PTGER3: variants seen among roughly 807,000 people sequenced by gnomAD.
PTGER3 encodes prostaglandin E receptor 3, also known as prostaglandin E2 receptor EP3 subtype.
A neutral mutation model predicts 34.7 loss-of-function variants in PTGER3; 22 were observed. The ratio of observed to expected loss-of-function variants is 0.63; its 90% CI spans 0.45 to 0.91. PTGER3 has a LOEUF of 0.91. Ranked by LOEUF, PTGER3 falls within the 40% of genes least tolerant of loss-of-function variation. The pLI is 0.00. For synonymous variants in PTGER3, 241 were observed against 230.1 expected (o/e 1.05, Z -0.43); for missense variants, 468 against 519.4 (o/e 0.90, Z 0.96).
At chr1:70,879,251 G>GTTTGT (rs111740086) in intron 4 of PTGER3, among the ~76,000 whole-genome samples, 5 of 151,282 alleles carry the variant, frequency 3.3e-5, no homozygotes, top group East Asian at 2.0e-4. Context: ...TTTGTTTTTT[G>GTTTGT]TTTGTTTTGT....
At chr1:70,862,954 C>T (rs1331011565) in intron 4 of PTGER3, among the ~76,000 whole-genome samples, 2 of 152,010 alleles carry the variant, frequency 1.3e-5, no homozygotes, top group Non-Finnish European at 2.9e-5. Flanking sequence ...ATTTAGGAGG[C>T]TTGAGCTCCA....
intron 1 of PTGER3, among the ~76,000 whole-genome samples, chr1:71,030,505 T>G (rs976205062): frequency 3.9e-5 from 6 of 152,202 alleles, no homozygotes; most frequent in African/African-American, 1.2e-4. Context: ...AAGAATAATA[T>G]ATGTGACTTG....
chr1:70,929,157 T>G (rs1316488255), intron 4 of PTGER3, among the ~76,000 whole-genome samples: 1 of 152,190 alleles, frequency 6.6e-6, no homozygotes, highest in Admixed American at 6.6e-5. Flanking sequence ...AATCCAAAGT[T>G]ATGAAATAAA....
At chr1:70,942,359 A>G (rs2100548558) in intron 4 of PTGER3, among the ~76,000 whole-genome samples, 1 of 152,244 alleles carries the variant, frequency 6.6e-6, no homozygotes, top group Middle Eastern at 3.4e-3. Flanking sequence ...ATCTTGAGGC[A>G]TTTTTTAACC....
intron 4 of PTGER3, among the ~76,000 whole-genome samples, chr1:70,883,081 T>G (rs1044523564): frequency 1.3e-5 from 2 of 152,188 alleles, no homozygotes; most frequent in African/African-American, 4.8e-5. Context: ...TAAAAGTTAA[T>G]ATGATGATAC....
intron 1 of PTGER3, among the ~76,000 whole-genome samples, chr1:71,035,926 C>A (rs763344357): frequency 2.6e-5 from 4 of 152,186 alleles, no homozygotes; most frequent in African/African-American, 4.8e-5. Flanking sequence ...GATGCCCTCC[C>A]TAATCCCAAT....
rs1653000899 is a variant in PTGER3, at chr1:70,970,797, C to A, written c.*933G>T. 2 of 812,572 alleles carry A rather than the reference C, an allele frequency of 2.5e-6. No individual in the cohort carries two copies. The highest frequency in any genetic ancestry group is 3.7e-5 in the African/African-American group (2 of 53,584). The allele number at this position is 812,572 out of a possible 1,614,324, so 50.3% of individuals were successfully genotyped here. ...CTCAAGTATATCTTTTAGAAGTCCA[C>A]AAAGTTTTTTATTTTAATACAGACA... On this transcript the variant is annotated 3_prime_UTR_variant, in exon 4 of 4. Transcript: ENST00000306666.
chr1:70,990,533 A>C (rs545651301), intron 2 of PTGER3, among the ~76,000 whole-genome samples: 1 of 151,702 alleles, frequency 6.6e-6, no homozygotes, highest in East Asian at 1.9e-4. Flanking sequence ...ATGTATGTAC[A>C]TGTATATATA....
chr1:70,934,035 C>A (rs1177607761), intron 4 of PTGER3, among the ~76,000 whole-genome samples: 1 of 152,148 alleles, frequency 6.6e-6, no homozygotes, highest in Non-Finnish European at 1.5e-5. Context: ...TCAAATATCT[C>A]ATTTTTCTCA....
chr1:70,853,144 T>G (rs1027985520), intron 4 of PTGER3, among the ~76,000 whole-genome samples: 2 of 152,184 alleles, frequency 1.3e-5, no homozygotes, highest in African/African-American at 4.8e-5. Context: ...GGTGGAAACA[T>G]GGTAAGACAT....
At chr1:70,860,332 A>T (rs1233865077) in intron 4 of PTGER3, among the ~76,000 whole-genome samples, 1 of 152,176 alleles carries the variant, frequency 6.6e-6, no homozygotes. Flanking sequence ...CATTGATGAG[A>T]AAAAAATGTG....
chr1:71,036,838 CAAAA>C (rs5775047), intron 1 of PTGER3, among the ~76,000 whole-genome samples: 1 of 142,130 alleles, frequency 7.0e-6, no homozygotes. Flanking sequence ...GACTTTGTCT[CAAAA>C]AAAAAAAAGA....
At chr1:71,022,423 C>T (rs1366158841) in intron 1 of PTGER3, among the ~76,000 whole-genome samples, 2 of 151,922 alleles carry the variant, frequency 1.3e-5, no homozygotes, top group East Asian at 1.9e-4. Context: ...ACAATACAGA[C>T]ATGACATACA....
At chr1:70,900,489 T>C (rs1557641018) in intron 4 of PTGER3, among the ~76,000 whole-genome samples, 1 of 152,200 alleles carries the variant, frequency 6.6e-6, no homozygotes, top group Non-Finnish European at 1.5e-5. Flanking sequence ...CAGTATGCTT[T>C]TATATCTCTT....
chr1:71,012,307 G>T lies in PTGER3; in HGVS notation c.1075C>A (p.Gln359Lys). 6.2e-7 allele frequency: 1 copy of T among 1,614,102 alleles called. No homozygotes were observed. Among genetic ancestry groups the T allele is most frequent in the East Asian group, 2.2e-5 (1 of 44,860 alleles). The change falls in exon 2 of 4, where the codon CAG becomes AAG. Residue 359 changes from glutamine to lysine, a missense_variant and splice_region_variant. Physicochemically the swap from Gln to Lys is moderately conservative, Grantham distance 53. Transcript: ENST00000306666. Reference sequence around the variant, plus strand: ...CAGCTGGAGACAGCATTTGCTACCTGGCAAAACTTTCGAAGAAGGATCTTT... The same window carrying T: ...CAGCTGGAGACAGCATTTGCTACCTTGCAAAACTTTCGAAGAAGGATCTTT... ...LRKILLRKFC[Q>K]IRYHTNNYAS...
chr1:70,998,347 C>A (rs1049906266), intron 2 of PTGER3: 1 of 152,096 alleles, frequency 6.6e-6, no homozygotes, highest in Non-Finnish European at 1.5e-5. Context: ...AAATGTAGAG[C>A]GATTTACACT....
rs556522747 is a variant in PTGER3, at chr1:70,944,796, G to A, written c.*23+8967C>T. Among the ~76,000 whole-genome samples, 22 of 152,206 alleles carry A rather than the reference G, an allele frequency of 1.4e-4. No individual in the cohort carries two copies. In the South Asian group the frequency reaches 4.6e-3, roughly 32 times the overall value. ...TTATAGCCTTACCTCTTCATCAGAA[G>A]TACTAAATCTGTGCTCTATAATCAG... On this transcript the variant is annotated intron_variant, in intron 4 of 4. Transcript: ENST00000370931.
intron 4 of PTGER3, among the ~76,000 whole-genome samples, chr1:70,913,856 A>G (rs182478344): frequency 6.1e-4 from 92 of 151,876 alleles, no homozygotes; most frequent in African/African-American, 2.0e-3. Context: ...CTTTATATAT[A>G]TTATTGGATT....
intron 1 of PTGER3, among the ~76,000 whole-genome samples, chr1:71,044,409 C>T (rs1014769833): frequency 6.8e-6 from 1 of 147,154 alleles, no homozygotes; most frequent in South Asian, 2.1e-4. Flanking sequence ...TGCACTCCAG[C>T]CTGGAGTTTT....
Sources: gnomAD v4.1 joint callset for allele counts (sites outside exome capture counted in the v4.1 genomes callset) on GRCh38, gnomAD v4.1.1 for gene constraint, MANE v1.5 for transcripts, NCBI Gene and HGNC (gene_info 2026-07-23, HGNC 2026-07-21) for gene names.